The following ABCA13 variants were observed in gnomAD, a reference collection of about 807,000 sequenced individuals.
The protein encoded by ABCA13 is ATP-binding cassette sub-family A member 13.
A neutral mutation model predicts 478.7 loss-of-function variants in ABCA13; 476 were observed. The observed-to-expected ratio is 0.99, with a 90% CI of 0.92 to 1.07. The LOEUF is 1.07. Ranked by LOEUF, ABCA13 falls within the 50% of genes least tolerant of loss-of-function variation. The probability of loss-of-function intolerance (pLI) is 0.00; values close to 1 mark genes in which losing one functional copy is unlikely to be tolerated. For missense variants in ABCA13, 6,060 were observed against 5,910.6 expected, an observed-to-expected ratio of 1.03 and a Z score of -0.83; for synonymous variants, 2,252 against 2,158.9, an observed-to-expected ratio of 1.04 and a Z score of -1.20.
chr7:48,521,977 A>AG (rs56336730), intron 53 of ABCA13, among the ~76,000 whole-genome samples: 152,219 of 152,228 alleles, frequency 1, 76,105 homozygotes, highest in Middle Eastern at 1. Context: ...GTTCTTAGCA[A>AG]GCCCCCCTGA....
intron 55 of ABCA13, among the ~76,000 whole-genome samples, chr7:48,575,455 G>A (rs1308951721): frequency 1.3e-5 from 2 of 152,156 alleles, no homozygotes; most frequent in African/African-American, 2.4e-5. Flanking sequence ...AGGAAATTAA[G>A]TACCCAGTAG....
intron 15 of ABCA13, among the ~76,000 whole-genome samples, chr7:48,259,264 T>C (rs1793835770): frequency 6.6e-6 from 1 of 152,178 alleles, no homozygotes; most frequent in South Asian, 2.1e-4. Context: ...TACGAACTCA[T>C]TTTATGAGTC....
chr7:48,629,141 A>G (rs1445191035), intron 59 of ABCA13, among the ~76,000 whole-genome samples: 1 of 152,176 alleles, frequency 6.6e-6, no homozygotes, highest in African/African-American at 2.4e-5. Context: ...ATTCAGTCCT[A>G]ATTGCTGCCA....
rs77147473 is a variant in ABCA13, at chr7:48,410,588, C to G, written c.12139C>G (p.Leu4047Val). The G allele has an allele frequency of 0.012, 18,719 of 1,614,022 alleles. 151 individuals carry two copies. The highest frequency in any genetic ancestry group is 0.013 in the Non-Finnish European group (15,142 of 1,179,884). The change falls in exon 40 of 62, where the codon CTC becomes GTC. Residue 4047 changes from leucine to valine, a missense_variant. This residue lies in a region of ABCA13 where 1,627 missense variants were observed against 1,571.0 expected (regional missense o/e 1.04). Coordinates refer to ENST00000435803, the MANE Select transcript of ABCA13 (RefSeq NM_152701.5). ...AEALSDRVAV[L>V]QHGRLRCCGP... ...AGCGCTGAGTGACCGCGTGGCCGTC[C>G]TCCAGCATGGGAGGCTCAGGTGCTG... is the stretch of plus-strand genomic sequence containing the variant.
chr7:48,278,433 T>C lies in ABCA13; in HGVS notation c.7239T>C (p.Leu2413=). ...FKLNQDLGSA[L]HLVRECSTEM... ...TCAATCAAGATCTTGGGTCAGCTCT[T>C]CACCTTGTAAGAGAATGTTCAACAG... The change falls in exon 18 of 62, where the codon CTT becomes CTC. Residue 2413 remains leucine (L), a synonymous_variant. Coordinates refer to ENST00000435803, the MANE Select transcript of ABCA13 (RefSeq NM_152701.5). The C allele has an allele frequency of 6.2e-7, 1 of 1,613,984 alleles. No individual in the cohort carries two copies.
intron 43 of ABCA13, among the ~76,000 whole-genome samples, chr7:48,462,789 G>A (rs987828581): frequency 1.5e-4 from 23 of 152,242 alleles, no homozygotes; most frequent in Non-Finnish European, 2.5e-4. Flanking sequence ...GATTACAGGC[G>A]TGAGCCACCG....
At chr7:48,414,051 G>A (rs1394192056) in intron 41 of ABCA13, among the ~76,000 whole-genome samples, 3 of 152,170 alleles carry the variant, frequency 2.0e-5, no homozygotes, top group East Asian at 1.9e-4. Context: ...TTCCCACTGC[G>A]TTTTAATAGA....
At chr7:48,253,852 A>C (rs1792955279) in intron 15 of ABCA13, among the ~76,000 whole-genome samples, 1 of 152,138 alleles carries the variant, frequency 6.6e-6, no homozygotes, top group Non-Finnish European at 1.5e-5. Flanking sequence ...GTCTTTGAAC[A>C]ATTCCATATT....
intron 28 of ABCA13, among the ~76,000 whole-genome samples, chr7:48,337,598 A>G (rs1031202213): frequency 2.0e-5 from 3 of 152,240 alleles, no homozygotes; most frequent in South Asian, 2.1e-4. Flanking sequence ...TGGATAGTGT[A>G]CAAATATTCT....
At chr7:48,268,168 A>G (rs1490961572) in intron 15 of ABCA13, among the ~76,000 whole-genome samples, 3 of 151,918 alleles carry the variant, frequency 2.0e-5, no homozygotes, top group Non-Finnish European at 2.9e-5. Flanking sequence ...TTATTTATTT[A>G]TTTATTTTGA....
chr7:48,316,919 C>T (rs1450476095), intron 26 of ABCA13, among the ~76,000 whole-genome samples: 1 of 152,132 alleles, frequency 6.6e-6, no homozygotes, highest in Non-Finnish European at 1.5e-5. Context: ...GAGGGATCTG[C>T]CCCCAAGATC....
At chr7:48,578,165 A>T (rs59071247) in intron 55 of ABCA13, among the ~76,000 whole-genome samples, 1,902 of 152,256 alleles carry the variant, frequency 0.012, 35 homozygotes, top group African/African-American at 0.043. Context: ...TGGGAACAAG[A>T]TGTCCTCTCT....
chr7:48,350,712 T>A lies in ABCA13; in HGVS notation c.10274T>A (p.Val3425Asp), dbSNP rs1808837097. The change falls in exon 30 of 62, where the codon GTC (valine) becomes GAC (aspartate). Residue 3425 changes from valine (V) to aspartate (D), a missense_variant. Around this residue, in one of 3 missense-constraint regions of ABCA13, gnomAD observed 4,423 missense variants for 4,309.1 expected, o/e 1.03. Transcript: ENST00000435803. ...TTCCGTTTCTTGGGCAGCATCTTGG[T>A]CAATCTCTCTTCCTGCGTGGCACTG... is the stretch of plus-strand genomic sequence containing the variant. The part of the protein sequence containing the change: ...GRFRFLGSIL[V>D]NLSSCVALNR... 10 of 1,613,954 alleles carry A rather than the reference T, an allele frequency of 6.2e-6. No homozygotes were observed. The highest frequency in any genetic ancestry group is 8.5e-6 in the Non-Finnish European group (10 of 1,179,844).
intron 38 of ABCA13, among the ~76,000 whole-genome samples, chr7:48,394,487 TC>T (rs1412705794): frequency 1.3e-5 from 2 of 152,134 alleles, no homozygotes; most frequent in Non-Finnish European, 1.5e-5. Flanking sequence ...CAGAACAACT[TC>T]CCACTCACTC....
intron 48 of ABCA13, among the ~76,000 whole-genome samples, chr7:48,501,484 A>G (rs1026588235): frequency 2.6e-5 from 4 of 152,088 alleles, no homozygotes; most frequent in Admixed American, 2.6e-4. Flanking sequence ...CTCTATGACA[A>G]TCATGTAAAT....
chr7:48,516,110 G>A (rs760909350), intron 51 of ABCA13, among the ~76,000 whole-genome samples: 1 of 152,162 alleles, frequency 6.6e-6, no homozygotes, highest in Admixed American at 6.5e-5. Flanking sequence ...TGTTCACCAA[G>A]TGAGGAAAAA....
intron 43 of ABCA13, among the ~76,000 whole-genome samples, chr7:48,464,388 G>A (rs1048141388): frequency 1.7e-4 from 26 of 152,148 alleles, no homozygotes; most frequent in Admixed American, 4.6e-4. Context: ...TGTGTTTCTG[G>A]CCACAGCTGT....
chr7:48,437,207 T>C (rs1190500185), intron 42 of ABCA13, among the ~76,000 whole-genome samples: 1 of 152,036 alleles, frequency 6.6e-6, no homozygotes, highest in Non-Finnish European at 1.5e-5. Flanking sequence ...ATGATGGGTA[T>C]CTATGCATCT....
chr7:48,594,620 T>G (rs1045090199), intron 57 of ABCA13, 90 bp from the exon 58 acceptor site: 58 of 1,238,560 alleles, frequency 4.7e-5, no homozygotes, highest in Non-Finnish European at 6.4e-5. Context: ...GAGATTTTTC[T>G]TTCACCTGGG....
Sources: allele counts gnomAD v4.1 joint callset (sites outside exome capture counted in the v4.1 genomes callset), GRCh38; gene constraint gnomAD v4.1.1; regional missense constraint gnomAD v4.1.1; transcripts MANE v1.5; gene names NCBI Gene and HGNC (gene_info 2026-07-23, HGNC 2026-07-21).